Variants in ARHGAP15 observed in about 807,000 individuals in gnomAD.
ARHGAP15 encodes rho GTPase-activating protein 15.
A neutral mutation model predicts 63.7 loss-of-function variants in ARHGAP15; 51 were observed. The ratio of observed to expected loss-of-function variants is 0.80; its 90% CI spans 0.64 to 1.01. ARHGAP15 has a LOEUF of 1.01. Among genes scored for constraint, ARHGAP15 ranks in the 50% least tolerant of loss-of-function variants. The pLI is 0.00. For missense variants in ARHGAP15, 560 were observed against 564.6 expected (o/e 0.99, Z 0.08); for synonymous variants, 191 against 193.8 (o/e 0.99, Z 0.12).
At chr2:143,689,463 C>T (rs1683496473) in intron 12 of ARHGAP15, among the ~76,000 whole-genome samples, 1 of 152,096 alleles carries the variant, frequency 6.6e-6, no homozygotes, top group South Asian at 2.1e-4. Context: ...ATAGGTCAAA[C>T]GTTGTTGGAA....
intron 6 of ARHGAP15, among the ~76,000 whole-genome samples, chr2:143,407,770 A>G (rs1271383268): frequency 6.6e-6 from 1 of 151,110 alleles, no homozygotes; most frequent in African/African-American, 2.4e-5. Flanking sequence ...AATTTTTGGT[A>G]TAATTTTTCT....
In ARHGAP15 at chr2:143,330,105, AAAAAAAAAAAAAAAAAAAAAAAAAAACC is replaced by A. The variant is rs1485508936; in HGVS notation, c.474+79511_474+79538del. Among the ~76,000 whole-genome samples, 17 of 79,670 alleles carry A rather than the reference AAAAAAAAAAAAAAAAAAAAAAAAAAACC, an allele frequency of 2.1e-4. 3 individuals are homozygous for A. In the East Asian group the frequency reaches 6.1e-3, roughly 29 times the overall value. 52.3% of individuals were successfully genotyped at this position (79,670 alleles called of 152,430 possible). A position where few individuals can be genotyped will look rare whatever the true frequency, so the allele number is the denominator to read the frequency against. ...GCAAGGCTCTGTCTCAAAAAAAAAA[AAAAAAAAAAAAAAAAAAAAAAAAAAACC>A]AAAAACAAAAAACTAAACTAATGAT... On this transcript the variant is annotated intron_variant, in intron 6 of 13. Transcript: ENST00000295095.
chr2:143,441,578 G>C (rs1574455395), intron 8 of ARHGAP15, among the ~76,000 whole-genome samples: 1 of 152,208 alleles, frequency 6.6e-6, no homozygotes, highest in East Asian at 1.9e-4. Flanking sequence ...ACTCATCTGT[G>C]CTTTCAATTT....
intron 5 of ARHGAP15, among the ~76,000 whole-genome samples, chr2:143,231,207 C>A (rs1226573136): frequency 6.7e-6 from 1 of 150,274 alleles, no homozygotes; most frequent in Non-Finnish European, 1.5e-5. Flanking sequence ...TTGGTAAAAA[C>A]AAATACATAA....
At chr2:143,758,891 C>T (rs1686668732) in intron 13 of ARHGAP15, among the ~76,000 whole-genome samples, 3 of 152,112 alleles carry the variant, frequency 2.0e-5, no homozygotes, top group African/African-American at 7.2e-5. Context: ...GGAGGTGGAG[C>T]CCAGCAACCT....
At chr2:143,147,097 A>G (rs555602367) in intron 1 of ARHGAP15, among the ~76,000 whole-genome samples, 1 of 152,196 alleles carries the variant, frequency 6.6e-6, no homozygotes, top group Admixed American at 6.6e-5. Context: ...TAAGAAGGAA[A>G]GACAGTAGAA....
intron 6 of ARHGAP15, among the ~76,000 whole-genome samples, chr2:143,384,469 A>G (rs1443985361): frequency 6.6e-6 from 1 of 152,062 alleles, no homozygotes; most frequent in Non-Finnish European, 1.5e-5. Context: ...CTCGGAGACT[A>G]ACTAAATTAG....
chr2:143,365,884 C>T (rs1323920951), intron 6 of ARHGAP15, among the ~76,000 whole-genome samples: 1 of 152,170 alleles, frequency 6.6e-6, no homozygotes, highest in African/African-American at 2.4e-5. Context: ...ATACTAAGAA[C>T]TTAATAGAGA....
At chr2:143,541,515 C>T (rs550983624) in intron 10 of ARHGAP15, among the ~76,000 whole-genome samples, 1 of 152,078 alleles carries the variant, frequency 6.6e-6, no homozygotes, top group Non-Finnish European at 1.5e-5. Flanking sequence ...GTTTTATCTA[C>T]CTTTGGTCTT....
At chr2:143,335,438 G>T (rs1388886540) in intron 6 of ARHGAP15, among the ~76,000 whole-genome samples, 1 of 149,680 alleles carries the variant, frequency 6.7e-6, no homozygotes, top group African/African-American at 2.4e-5. Flanking sequence ...ATCAGCTAAA[G>T]GGTGTCTGTG....
chr2:143,587,818 GTATTTA>G (rs1463079222), intron 11 of ARHGAP15: 2 of 457,876 alleles, frequency 4.4e-6, no homozygotes, highest in Non-Finnish European at 9.0e-6. Context: ...CATTAAACTG[GTATTTA>G]TATTTATTAA....
intron 3 of ARHGAP15, among the ~76,000 whole-genome samples, chr2:143,210,719 T>C (rs2105132217): frequency 6.6e-6 from 1 of 152,280 alleles, no homozygotes; most frequent in East Asian, 1.9e-4. Flanking sequence ...TGCCTAAATC[T>C]GAAATCAAAT....
intron 2 of ARHGAP15, 106 bp downstream of exon 2, chr2:143,155,761 T>C (rs1690052477): frequency 1.7e-6 from 2 of 1,179,892 alleles, no homozygotes; most frequent in South Asian, 1.7e-5. Context: ...CTAATGTGCA[T>C]GAGAAAACTG....
chr2:143,237,211 A>T (rs1377636679), intron 5 of ARHGAP15: 1 of 152,178 alleles, frequency 6.6e-6, no homozygotes, highest in Non-Finnish European at 1.5e-5. Context: ...TTGTGTATAT[A>T]TAACTTAAAA....
At chr2:143,605,427 A>G (rs1697950380) in intron 11 of ARHGAP15, among the ~76,000 whole-genome samples, 1 of 152,160 alleles carries the variant, frequency 6.6e-6, no homozygotes, top group Non-Finnish European at 1.5e-5. Flanking sequence ...CTTAAACTAT[A>G]TATCCAGGTA....
chr2:143,261,356 C>T (rs1284822921), intron 6 of ARHGAP15, among the ~76,000 whole-genome samples: 6 of 94,248 alleles, frequency 6.4e-5, no homozygotes, highest in African/African-American at 1.7e-4. Context: ...TTTTTTGAGA[C>T]GGAGTCTCAC....
chr2:143,690,202 C>T (rs958393078), intron 12 of ARHGAP15, among the ~76,000 whole-genome samples: 2 of 152,188 alleles, frequency 1.3e-5, no homozygotes, highest in Admixed American at 6.5e-5. Flanking sequence ...AACATGTCTT[C>T]GAGTAAGTTA....
chr2:143,543,083 T>C (rs934929132), intron 10 of ARHGAP15, among the ~76,000 whole-genome samples: 1 of 151,782 alleles, frequency 6.6e-6, no homozygotes, highest in Non-Finnish European at 1.5e-5. Flanking sequence ...CTGGATCATA[T>C]GGTATTTCTA....
At chr2:143,425,601 T>A (rs1689108874) in intron 6 of ARHGAP15, among the ~76,000 whole-genome samples, 1 of 152,092 alleles carries the variant, frequency 6.6e-6, no homozygotes, top group South Asian at 2.1e-4. Context: ...ATAACCCTTT[T>A]GAGTAAACAG....
Sources: gnomAD v4.1 joint callset for allele counts (sites outside exome capture counted in the v4.1 genomes callset) on GRCh38, gnomAD v4.1.1 for gene constraint, MANE v1.5 for transcripts, NCBI Gene and HGNC (gene_info 2026-07-23, HGNC 2026-07-21) for gene names.